Variants in PTPRC observed in about 807,000 individuals in gnomAD.
PTPRC encodes protein tyrosine phosphatase receptor type C.
PTPRC carries 44 observed loss-of-function variants against 155.9 expected under a neutral mutation model. That is an observed-to-expected ratio of 0.28 (90% confidence interval 0.22 to 0.36). The LOEUF is 0.36. PTPRC is among the 10% of genes least tolerant of loss of function. The probability of loss-of-function intolerance (pLI) is 1.00; values close to 1 mark genes in which losing one functional copy is unlikely to be tolerated. For missense variants in PTPRC, 1,401 were observed against 1,564.6 expected (o/e 0.90, Z 1.76); for synonymous variants, 525 against 533.1 (o/e 0.98, Z 0.21).
chr1:198,675,171 GA>G (rs1257616950), intron 2 of PTPRC, among the ~76,000 whole-genome samples: 2 of 151,690 alleles, frequency 1.3e-5, no homozygotes, highest in African/African-American at 4.8e-5. Flanking sequence ...GAATTTGAAA[GA>G]AAAAAATGAC....
intron 2 of PTPRC, among the ~76,000 whole-genome samples, chr1:198,660,063 A>ATATATC (rs1663868392): frequency 8.9e-6 from 1 of 112,986 alleles, no homozygotes; most frequent in Non-Finnish European, 1.8e-5. Flanking sequence ...ATATATATAT[A>ATATATC]TATATGATCT....
At chr1:198,716,863 T>C (rs753106523) in intron 13 of PTPRC, 23 bp downstream of exon 13, 15 of 1,609,948 alleles carry the variant, frequency 9.3e-6, no homozygotes, top group Non-Finnish European at 1.3e-5. Flanking sequence ...TTTTAATGCT[T>C]CTTTCCATAA....
At chr1:198,710,871 T>C (rs986439104) in intron 11 of PTPRC, among the ~76,000 whole-genome samples, 6 of 152,248 alleles carry the variant, frequency 3.9e-5, no homozygotes, top group African/African-American at 1.4e-4. Flanking sequence ...TGTTTTGATT[T>C]TGAGACGGAG....
In PTPRC at chr1:198,744,125, T is replaced by C. The variant is rs1424776807; in HGVS notation, c.2769T>C (p.Ser923=). ...NQFGETEVNL[S]ELHPYLHNMK... Reference sequence around the variant, plus strand: ...TTGGAGAAACAGAAGTGAATTTGTCTGAATTACATCCATATCTACATAACA... The same window carrying C: ...TTGGAGAAACAGAAGTGAATTTGTCCGAATTACATCCATATCTACATAACA... Residue 923 remains serine, a synonymous_variant, in exon 26 of 33, where the codon TCT becomes TCC. Coordinates refer to ENST00000442510, the MANE Select transcript of PTPRC (RefSeq NM_002838.5). 1 of 1,604,920 alleles carries C rather than the reference T, an allele frequency of 6.2e-7. No homozygotes were observed. The highest frequency in any genetic ancestry group is 8.5e-7 in the Non-Finnish European group (1 of 1,172,550).
chr1:198,696,179 T>TAG (rs977955333), intron 3 of PTPRC, among the ~76,000 whole-genome samples: 5 of 147,900 alleles, frequency 3.4e-5, no homozygotes, highest in African/African-American at 4.9e-5. Context: ...TATATATATA[T>TAG]ATATATAGAT....
At chr1:198,704,602 A>T in intron 8 of PTPRC, 104 bp downstream of exon 8, 3 of 1,598,690 alleles carry the variant, frequency 1.9e-6, no homozygotes, top group Non-Finnish European at 2.6e-6. Flanking sequence ...AGCTAAACTC[A>T]CTGGCTCTAA....
At chr1:198,742,648 C>T (rs1654957536) in intron 25 of PTPRC, among the ~76,000 whole-genome samples, 1 of 151,688 alleles carries the variant, frequency 6.6e-6, no homozygotes, top group Non-Finnish European at 1.5e-5. Flanking sequence ...AGTAAAAATG[C>T]TGAAAATAGA....
At chr1:198,654,222 G>A (rs866089434) in intron 2 of PTPRC, among the ~76,000 whole-genome samples, 36 of 151,904 alleles carry the variant, frequency 2.4e-4, no homozygotes, top group Admixed American at 1.8e-3. Flanking sequence ...AGTGTTAATT[G>A]ATTTAAGGTC....
At chr1:198,700,834 G>C (rs1055679045) in intron 5 of PTPRC, among the ~76,000 whole-genome samples, 1 of 152,192 alleles carries the variant, frequency 6.6e-6, no homozygotes, top group Non-Finnish European at 1.5e-5. Flanking sequence ...CCACCACTGA[G>C]AGTACCTACA....
chr1:198,650,778 G>A (rs1663203723), intron 2 of PTPRC, among the ~76,000 whole-genome samples: 1 of 151,824 alleles, frequency 6.6e-6, no homozygotes, highest in African/African-American at 2.4e-5. Flanking sequence ...ACTGGTTTCT[G>A]AGCCTTGGGA....
intron 2 of PTPRC, among the ~76,000 whole-genome samples, chr1:198,683,511 T>G (rs541390313): frequency 3.9e-5 from 6 of 152,212 alleles, no homozygotes; most frequent in Non-Finnish European, 4.4e-5. Context: ...AAAAAGATAA[T>G]TAATATGGGA....
At chr1:198,654,309 A>G (rs1200386911) in intron 2 of PTPRC, among the ~76,000 whole-genome samples, 1 of 151,832 alleles carries the variant, frequency 6.6e-6, no homozygotes, top group Non-Finnish European at 1.5e-5. Flanking sequence ...CTTTTTGAGT[A>G]AAATAAATAA....
chr1:198,704,219 C>T (rs1666613282), intron 7 of PTPRC, among the ~76,000 whole-genome samples: 1 of 152,036 alleles, frequency 6.6e-6, no homozygotes, highest in Admixed American at 6.5e-5. Flanking sequence ...AGATGCGTAC[C>T]TAAAAGTCTT....
rs750693307 is a variant in PTPRC, at chr1:198,738,828, CTTG to C, written c.2404-3036_2404-3034del. ...TTTCATGACAACCTCCGTTTCATTA[CTTG>C]TTGTCTGTTCAGGTTTTGGGTACCA... On this transcript the variant is annotated intron_variant, in intron 23 of 32. Coordinates refer to ENST00000442510, the MANE Select transcript of PTPRC (RefSeq NM_002838.5). Among the ~76,000 whole-genome samples, 9 of 151,688 alleles carry C rather than the reference CTTG, an allele frequency of 5.9e-5. No individual in the cohort carries two copies. In the South Asian group the frequency reaches 6.2e-4, roughly 10 times the overall value.
intron 26 of PTPRC, among the ~76,000 whole-genome samples, chr1:198,747,042 C>T (rs1229499898): frequency 6.6e-6 from 1 of 151,422 alleles, no homozygotes; most frequent in East Asian, 2.0e-4. Flanking sequence ...AAAATCTTAC[C>T]GAATTGTACA....
chr1:198,732,349 C>G lies in PTPRC; in HGVS notation c.2024C>G (p.Pro675Arg). Residue 675 changes from proline (P) to arginine (R), a missense_variant, in exon 19 of 33, where the codon CCC (proline) becomes CGC (arginine). Physicochemically the swap from Pro to Arg is moderately radical, Grantham distance 103 (BLOSUM62 -2). Transcript: ENST00000442510. ...TTTCCTATAAAGGAAGCTCGAAAGC[C>G]CTTTAACCAGAATAAAAACCGTTAT... The part of the protein sequence containing the change: ...SKFPIKEARK[P>R]FNQNKNRYVD... The G allele has an allele frequency of 6.2e-7, 1 of 1,612,540 alleles. No individual in the cohort carries two copies.
At chr1:198,712,757 T>C in intron 11 of PTPRC, 196 bp from the exon 12 acceptor site, 1 of 617,388 alleles carries the variant, frequency 1.6e-6, no homozygotes, top group South Asian at 2.0e-5. Context: ...ACAGTGCCAA[T>C]CTGGTGTGAC....
At chr1:198,754,511 TC>T in intron 32 of PTPRC, 107 bp downstream of exon 32, 3 of 1,334,356 alleles carry the variant, frequency 2.2e-6, no homozygotes, top group East Asian at 4.7e-5. Context: ...TGTTCTTTTT[TC>T]CCCTTTCCTT....
chr1:198,756,390 T>TATC lies in PTPRC; in HGVS notation c.*210_*212dup, dbSNP rs143113759. On this transcript the variant is annotated 3_prime_UTR_variant, in exon 33 of 33. Transcript: ENST00000442510. Reference sequence around the variant, plus strand: ...CAGACGTATGCTTATTTTAAAATTTTATCTCTTATTCAGTAAAAAACAACT... The same window carrying TATC: ...CAGACGTATGCTTATTTTAAAATTTTATCATCTCTTATTCAGTAAAAAACAACT... 434 of 648,356 alleles carry TATC rather than the reference T, an allele frequency of 6.7e-4. 1 individual carries two copies. The African/African-American group carries it at 7.2e-3, about 11-fold the overall frequency. 40.2% of individuals were successfully genotyped at this position (648,356 alleles called of 1,614,324 possible).
Sources: gnomAD v4.1 joint callset for allele counts (sites outside exome capture counted in the v4.1 genomes callset) on GRCh38, gnomAD v4.1.1 for gene constraint, MANE v1.5 for transcripts, NCBI Gene and HGNC (gene_info 2026-07-23, HGNC 2026-07-21) for gene names.